Variants in SERINC2 observed in about 807,000 individuals in gnomAD.
The protein encoded by SERINC2 is serine incorporator 2.
SERINC2 carries 56 observed loss-of-function variants against 54.2 expected under a neutral mutation model. The ratio of observed to expected loss-of-function variants is 1.03; its 90% CI spans 0.83 to 1.29. The LOEUF (loss-of-function observed/expected upper bound fraction) is 1.29, where lower values mean the gene tolerates loss of function less well. SERINC2 is among the 50% of genes most tolerant of loss of function. The pLI, the probability that SERINC2 is intolerant of heterozygous loss-of-function variation, is 0.00. For missense variants in SERINC2, 614 were observed against 607.4 expected, an observed-to-expected ratio of 1.01 and a Z score of -0.12; for synonymous variants, 272 against 253.1, an observed-to-expected ratio of 1.07 and a Z score of -0.71.
chr1:31,423,054 G>A (rs1174367586), intron 1 of SERINC2, among the ~76,000 whole-genome samples: 2 of 152,252 alleles, frequency 1.3e-5, no homozygotes, highest in Admixed American at 1.3e-4. Context: ...TCCTTCAACA[G>A]ATAGCCTGTA....
At chr1:31,415,801 G>T (rs1347211884) in intron 1 of SERINC2, 130 of 944,248 alleles carry the variant, frequency 1.4e-4, no homozygotes, top group East Asian at 2.3e-4. Flanking sequence ...GGATTTTTTT[G>T]CATGCATGGG....
intron 1 of SERINC2, among the ~76,000 whole-genome samples, 181 bp from the exon 2 acceptor site, chr1:31,423,512 G>A (rs1553132988): frequency 6.6e-6 from 1 of 152,198 alleles, no homozygotes. Context: ...GTGGTTACTG[G>A]CTGTGTAGCC....
At chr1:31,432,945 C>T in intron 8 of SERINC2, 22 bp from the exon 9 acceptor site, 1 of 1,580,902 alleles carries the variant, frequency 6.3e-7, no homozygotes, top group Non-Finnish European at 8.6e-7. Context: ...TCTATTTGCC[C>T]ACCTTCCTCC....
intron 4 of SERINC2, 132 bp from the exon 5 acceptor site, chr1:31,425,644 C>G: frequency 8.4e-7 from 1 of 1,190,118 alleles, no homozygotes; most frequent in South Asian, 1.4e-5. Flanking sequence ...CTGTGCGTAG[C>G]TAGGGGCTCC....
rs1641055622 is a variant in SERINC2 at position 31,426,783 on chromosome 1, G to A, written c.740G>A (p.Cys247Tyr). The part of the protein sequence containing the change: ...KVFISLNLTF[C>Y]VCVSIAAVLP... Reference sequence around the variant, plus strand: ...TTCATCAGCCTCAACCTCACCTTCTGTGTCTGCGTGTCCATCGCTGCTGTC... The same window carrying A: ...TTCATCAGCCTCAACCTCACCTTCTATGTCTGCGTGTCCATCGCTGCTGTC... The change falls in exon 6 of 10, where the codon TGT becomes TAT. Residue 247 changes from cysteine (C) to tyrosine (Y), a missense_variant. Physicochemically the swap from Cys to Tyr is radical, Grantham distance 194. Coordinates refer to ENST00000373709, the MANE Select transcript of SERINC2 (RefSeq NM_178865.5). 1 of 1,613,968 alleles carries A rather than the reference G, an allele frequency of 6.2e-7. No homozygotes were observed. The highest frequency in any genetic ancestry group is 1.3e-5 in the African/African-American group (1 of 74,920).
chr1:31,413,821 C>T lies in SERINC2; in HGVS notation c.39+517C>T. 2.1e-6 allele frequency: 3 copies of T among 1,398,968 alleles called. No individual in the cohort carries two copies. The South Asian group carries it at 4.8e-5, about 22-fold the overall frequency. The allele number at this position is 1,398,968 out of a possible 1,614,324, so 86.7% of individuals were successfully genotyped here. A position where few individuals can be genotyped will look rare whatever the true frequency, so the allele number is the denominator to read the frequency against. On this transcript the variant is annotated intron_variant, in intron 1 of 9. Transcript: ENST00000373709. This position sits in a 1 kb window ranked among gnomAD's most constrained non-coding sequence, Gnocchi z 5.0. ...GCTCCGCCTGTCCGTTCGTATTTGT[C>T]TGGTTCCTGTCTGTGTCCGTCGTTC...
intron 2 of SERINC2, 82 bp from the exon 3 acceptor site, chr1:31,424,601 G>T: frequency 1.6e-6 from 2 of 1,236,142 alleles, no homozygotes; most frequent in South Asian, 3.1e-5. Context: ...GGCCTTGGGA[G>T]ACCAGGGCTC....
At chr1:31,427,620 G>A (rs750435625) in intron 6 of SERINC2, among the ~76,000 whole-genome samples, 82 of 152,112 alleles carry the variant, frequency 5.4e-4, no homozygotes, top group Non-Finnish European at 1.1e-3. Context: ...CTGTGAGGAA[G>A]GGGAGGAAGA....
intron 8 of SERINC2, among the ~76,000 whole-genome samples, chr1:31,431,905 AGGGT>A (rs1641244313): frequency 1.4e-5 from 2 of 147,466 alleles, no homozygotes; most frequent in Admixed American, 6.7e-5. Context: ...TAGGGTGGAT[AGGGT>A]GGATAGGGTG....
rs782536827 is a variant in SERINC2, at chr1:31,429,386, C to G, written c.872-11C>G. The G allele has an allele frequency of 1.2e-6, 2 of 1,605,932 alleles. No homozygotes were observed. The highest frequency in any genetic ancestry group is 1.1e-5 in the South Asian group (1 of 89,358). ...TGCATGGGCTGAGGGTGATTGTGCT[C>G]CCATCTCCAGAACAGAAATGCAACC... On this transcript the variant is annotated splice_polypyrimidine_tract_variant and intron_variant, in intron 7 of 9. Coordinates refer to ENST00000373709, the MANE Select transcript of SERINC2 (RefSeq NM_178865.5).
chr1:31,413,418 C>A lies in SERINC2; in HGVS notation c.39+114C>A. 1.9e-6 allele frequency: 1 copy of A among 540,208 alleles called. No homozygotes were observed. The highest frequency in any genetic ancestry group is 2.7e-6 in the Non-Finnish European group (1 of 372,550). 33.5% of individuals were successfully genotyped at this position (540,208 alleles called of 1,614,324 possible). On this transcript the variant is annotated intron_variant, in intron 1 of 9. Coordinates refer to ENST00000373709, the MANE Select transcript of SERINC2 (RefSeq NM_178865.5). This position sits in a 1 kb window ranked among gnomAD's most constrained non-coding sequence, Gnocchi z 5.0. ...TTCTTTTTCCTTCCTGCAAACTTGTCTTTCTGGGCCGGTGCCCCGCCTGCT... is the reference window on the plus strand; with the variant it reads ...TTCTTTTTCCTTCCTGCAAACTTGTATTTCTGGGCCGGTGCCCCGCCTGCT...
In SERINC2 at chr1:31,431,758, G is replaced by A. The variant is rs920862926; in HGVS notation, c.1014-1209G>A. On this transcript the variant is annotated intron_variant, in intron 8 of 9. Coordinates refer to ENST00000373709, the MANE Select transcript of SERINC2 (RefSeq NM_178865.5). ...CATATGGTATTTGGTAGATAGGGTGGAGAGGGTGGAGAGGGTGAATAGGGT... is the reference window on the plus strand; with the variant it reads ...CATATGGTATTTGGTAGATAGGGTGAAGAGGGTGGAGAGGGTGAATAGGGT... Among the ~76,000 whole-genome samples the A allele has an allele frequency of 2.3e-3, 342 of 151,466 alleles. 4 individuals carry two copies. The highest frequency in any genetic ancestry group is 7.8e-3 in the African/African-American group (319 of 40,846).
At chr1:31,411,823 C>T (rs985791990), upstream of SERINC2, among the ~76,000 whole-genome samples, 1 of 151,624 alleles carries the variant, frequency 6.6e-6, no homozygotes, top group Non-Finnish European at 1.5e-5. Flanking sequence ...CATAAGGAGA[C>T]CTCATCTCTA....
rs1474140577 is a variant in SERINC2 at position 31,425,326 on chromosome 1, G to T, written c.393-4G>T. On this transcript the variant is annotated splice_polypyrimidine_tract_variant and splice_region_variant and intron_variant, in intron 3 of 9. Transcript: ENST00000373709. ...CCTTGTCCATTCCCCGACCCCTTCT[G>T]TAGGTTTTGGTTCTTTAAGTTCCTG... is the stretch of plus-strand genomic sequence containing the variant. The T allele has an allele frequency of 1.9e-6, 3 of 1,608,304 alleles. No individual in the cohort carries two copies.
At chr1:31,430,090 G>C (rs1220395893) in intron 8 of SERINC2, among the ~76,000 whole-genome samples, 1 of 152,114 alleles carries the variant, frequency 6.6e-6, no homozygotes, top group Non-Finnish European at 1.5e-5. Flanking sequence ...CCACTTACTA[G>C]CTATGTGATC....
In SERINC2 at chr1:31,432,967, T is replaced by C. The variant is rs782394510; in HGVS notation, c.1014T>C (p.Ser338=). ...IIFLLCTLFI[S]LRSSDHRQVN... is the part of the protein sequence containing the mutation. ...GCCCACCTTCCTCCCTCCCCTGCAG[T>C]CTGCGCTCCTCAGACCACCGGCAGG... The change falls in exon 9 of 10, where the codon AGT becomes AGC. Residue 338 remains serine, a splice_region_variant and synonymous_variant. Coordinates refer to ENST00000373709, the MANE Select transcript of SERINC2 (RefSeq NM_178865.5). 1.9e-6 allele frequency: 3 copies of C among 1,607,918 alleles called. No individual in the cohort carries two copies. In the South Asian group the frequency reaches 3.3e-5, roughly 18 times the overall value.
chr1:31,429,886 C>T (rs1641149670), intron 8 of SERINC2, among the ~76,000 whole-genome samples: 1 of 152,080 alleles, frequency 6.6e-6, no homozygotes, highest in Non-Finnish European at 1.5e-5. Flanking sequence ...AGTGGCTTAA[C>T]CTTTCTGAGC....
upstream of SERINC2, chr1:31,410,389 GA>G: frequency 2.6e-6 from 4 of 1,548,050 alleles, no homozygotes; most frequent in African/African-American, 5.5e-5. Flanking sequence ...TTACAGATGA[GA>G]AGCATGAGGC....
chr1:31,415,304 C>T (rs1640755113), intron 1 of SERINC2, among the ~76,000 whole-genome samples: 1 of 152,190 alleles, frequency 6.6e-6, no homozygotes, highest in Non-Finnish European at 1.5e-5. Context: ...GCAAGGGACC[C>T]GGCCCTCCCT....
Sources: allele counts gnomAD v4.1 joint callset (sites outside exome capture counted in the v4.1 genomes callset), GRCh38; gene constraint gnomAD v4.1.1; non-coding constraint Gnocchi (gnomAD v3.1); transcripts MANE v1.5; gene names NCBI Gene and HGNC (gene_info 2026-07-23, HGNC 2026-07-21).